The following ZNF584 variants were observed in gnomAD, a reference collection of about 807,000 sequenced individuals.
ZNF584 encodes zinc finger protein 584.
Under a neutral mutation model 14.7 loss-of-function variants are expected in ZNF584, and 12 were observed. That is an observed-to-expected ratio of 0.82 (90% CI 0.52 to 1.32). ZNF584 has a LOEUF of 1.32. Among genes scored for constraint, ZNF584 ranks in the 40% most tolerant of loss-of-function variants. The probability of loss-of-function intolerance (pLI) is 0.00; values close to 1 mark genes in which losing one functional copy is unlikely to be tolerated. For synonymous variants in ZNF584, 204 were observed against 190.9 expected (o/e 1.07, Z -0.57); for missense variants, 478 against 518.8 (o/e 0.92, Z 0.76).
intron 3 of ZNF584, 124 bp from the exon 4 acceptor site, chr19:58,416,687 C>T: frequency 7.9e-7 from 1 of 1,259,958 alleles, no homozygotes; most frequent in Non-Finnish European, 1.0e-6. Context: ...CAGGCGTGAG[C>T]CACCACGCCT....
At chr19:58,403,628 A>T (rs539373748) in intron 1 of ZNF584, among the ~76,000 whole-genome samples, 1 of 152,304 alleles carries the variant, frequency 6.6e-6, no homozygotes, top group African/African-American at 2.4e-5. Flanking sequence ...CATTTGTGAA[A>T]ACCCATATAA....
intron 3 of ZNF584, chr19:58,416,102 C>G (rs2052639124): frequency 2.7e-6 from 2 of 734,874 alleles, no homozygotes; most frequent in South Asian, 3.7e-5. Context: ...CTTGGAGACC[C>G]CACCTCTCTT....
At chr19:58,410,591 A>ATG (rs1414029882) in intron 2 of ZNF584, among the ~76,000 whole-genome samples, 13 of 33,070 alleles carry the variant, frequency 3.9e-4, no homozygotes, top group African/African-American at 3.9e-3. Context: ...ATGTATATAT[A>ATG]TGTATATATA....
At chr19:58,402,227 T>G (rs1599940272) in intron 1 of ZNF584, among the ~76,000 whole-genome samples, 1 of 151,926 alleles carries the variant, frequency 6.6e-6, no homozygotes, top group Non-Finnish European at 1.5e-5. Context: ...CTGGCTCCCC[T>G]GGGGCCCGGC....
At chr19:58,407,565 G>A (rs770226571), upstream of ZNF584, among the ~76,000 whole-genome samples, 3 of 152,254 alleles carry the variant, frequency 2.0e-5, 1 homozygote, top group South Asian at 4.1e-4. Context: ...TCAGTGCCAC[G>A]ACCAACAGCG....
rs1568584494 is a variant in ZNF584 at position 58,410,569 on chromosome 19, A to ATG, written c.169+479_169+480insGT. On this transcript the variant is annotated intron_variant, in intron 2 of 3. Coordinates refer to ENST00000306910, the MANE Select transcript of ZNF584 (RefSeq NM_173548.3). ...TATATATATATATATGTGTATATAT[A>ATG]TATGTATATATATGTATATATATGT... 2.6e-3 allele frequency among the ~76,000 whole-genome samples: 18 copies of ATG among 6,916 alleles called. 1 individual carries two copies. Among genetic ancestry groups the ATG allele is most frequent in the African/African-American group, 9.2e-3 (13 of 1,406 alleles). The allele number at this position is 6,916 out of a possible 152,430, so 4.5% of individuals were successfully genotyped here. A position where few individuals can be genotyped will look rare whatever the true frequency, so the allele number is the denominator to read the frequency against.
At position 58,409,128 on chromosome 19, in the gene ZNF584, G is replaced by T. The variant is rs1425049439; in HGVS notation, c.-20G>T. The stretch of plus-strand genomic sequence containing the variant: ...GCTGAGGCCGTGGGTCCAGTCCACG[G>T]GTTCTGCCCGCACGGTCCAATGGCC... On this transcript the variant is annotated 5_prime_UTR_variant, in exon 1 of 4. Transcript: ENST00000306910. 1.4e-6 allele frequency: 2 copies of T among 1,460,168 alleles called. No individual in the cohort carries two copies. Among genetic ancestry groups the T allele is most frequent in the Non-Finnish European group, 1.8e-6 (2 of 1,097,752 alleles). 90.5% of individuals were successfully genotyped at this position (1,460,168 alleles called of 1,614,324 possible).
rs1568583856 is a variant in ZNF584 at position 58,409,961 on chromosome 19, G to T, written c.39G>T (p.Leu13Phe). The change falls in exon 2 of 4, where the codon TTG becomes TTT. Residue 13 changes from leucine to phenylalanine, a missense_variant. This residue lies in a region of ZNF584 where 189 missense variants were observed against 177.9 expected (regional missense o/e 1.06). Transcript: ENST00000306910. ...GEAEAQLDPS[L>F]QGLVMFEDVT... Reference sequence around the variant, plus strand: ...CCAAGGCTCAGTTGGACCCATCATTGCAGGGCTTGGTGATGTTTGAGGATG... The same window carrying T: ...CCAAGGCTCAGTTGGACCCATCATTTCAGGGCTTGGTGATGTTTGAGGATG... 2 of 1,614,052 alleles carry T rather than the reference G, an allele frequency of 1.2e-6. No homozygotes were observed. Among genetic ancestry groups the T allele is most frequent in the East Asian group, 2.2e-5 (1 of 44,876 alleles).
intron 1 of ZNF584, among the ~76,000 whole-genome samples, chr19:58,402,323 GAGA>G (rs1240262732): frequency 2.6e-5 from 4 of 152,252 alleles, no homozygotes; most frequent in East Asian, 1.9e-4. Context: ...AGGGTGGTGG[GAGA>G]AGAAGTGCCC....
At chr19:58,401,982 T>G (rs1000200275) in intron 1 of ZNF584, among the ~76,000 whole-genome samples, 25 of 143,546 alleles carry the variant, frequency 1.7e-4, no homozygotes, top group Non-Finnish European at 3.1e-4. Flanking sequence ...GGCAGGAGAA[T>G]CGCTTGAAGC....
upstream of ZNF584, chr19:58,405,754 CG>C (rs2052466910): frequency 5.7e-6 from 1 of 176,442 alleles, no homozygotes; most frequent in African/African-American, 2.4e-5. Context: ...GATGGGCGGC[CG>C]GGCAGAGACG....
chr19:58,408,189 C>T (rs959111622), upstream of ZNF584: 2 of 152,268 alleles, frequency 1.3e-5, no homozygotes, highest in African/African-American at 4.8e-5. Flanking sequence ...CTCCGGGCTC[C>T]GTAAAGCGGA....
chr19:58,406,896 A>T (rs755001366), upstream of ZNF584: 1 of 152,440 alleles, frequency 6.6e-6, no homozygotes, highest in Non-Finnish European at 1.5e-5. Flanking sequence ...TCTCCACTGG[A>T]GAGAATACAC....
upstream of ZNF584, among the ~76,000 whole-genome samples, chr19:58,403,838 A>G (rs2052446056): frequency 1.3e-5 from 2 of 151,616 alleles, no homozygotes; most frequent in African/African-American, 2.4e-5. Flanking sequence ...GTGTGGTGGC[A>G]CGCGCTTGTC....
chr19:58,418,072 A>G lies in ZNF584; in HGVS notation c.*288A>G, dbSNP rs2052669844. 4.8e-6 allele frequency: 2 copies of G among 414,632 alleles called. No individual in the cohort carries two copies. Among genetic ancestry groups the G allele is most frequent in the Non-Finnish European group, 8.7e-6 (2 of 229,498 alleles). 25.7% of individuals were successfully genotyped at this position (414,632 alleles called of 1,614,324 possible). Reference sequence around the variant, plus strand: ...CAGCAGACCTTGTGCTCCTTGCTCTAAACAGTAGAGAATCGTTAATAGTGG... The same window carrying G: ...CAGCAGACCTTGTGCTCCTTGCTCTGAACAGTAGAGAATCGTTAATAGTGG... On this transcript the variant is annotated 3_prime_UTR_variant, in exon 4 of 4. Coordinates refer to ENST00000306910, the MANE Select transcript of ZNF584 (RefSeq NM_173548.3).
intron 2 of ZNF584, among the ~76,000 whole-genome samples, chr19:58,410,759 AT>A: frequency 2.5e-5 from 1 of 39,260 alleles, no homozygotes; most frequent in Admixed American, 2.7e-4. Flanking sequence ...ATATATATAT[AT>A]ATGTATATAT....
At chr19:58,411,671 G>A (rs1305304156) in intron 2 of ZNF584, among the ~76,000 whole-genome samples, 1 of 151,786 alleles carries the variant, frequency 6.6e-6, no homozygotes, top group African/African-American at 2.4e-5. Flanking sequence ...TTGAGACGGA[G>A]TCTTGTTCTG....
rs1451506334 is a variant in ZNF584 at position 58,415,642 on chromosome 19, T to G, written c.288T>G (p.Gly96=). ...VSRAEARRGF[G]LDGLCRVEDE... is the part of the protein sequence containing the mutation. Reference sequence around the variant, plus strand: ...GAGCAGAAGCCAGGAGAGGTTTTGGTCTTGGTAAGTGGAGTGGAGGGGAAT... The same window carrying G: ...GAGCAGAAGCCAGGAGAGGTTTTGGGCTTGGTAAGTGGAGTGGAGGGGAAT... Residue 96 remains glycine (G), a synonymous_variant, in exon 3 of 4, where the codon GGT becomes GGG. Coordinates refer to ENST00000306910, the MANE Select transcript of ZNF584 (RefSeq NM_173548.3). 4.3e-6 allele frequency: 7 copies of G among 1,613,718 alleles called. No individual in the cohort carries two copies. The highest frequency in any genetic ancestry group is 1.3e-5 in the African/African-American group (1 of 74,930).
upstream of ZNF584, chr19:58,406,594 A>T (rs2052475806): frequency 1.3e-5 from 2 of 152,238 alleles, no homozygotes; most frequent in Non-Finnish European, 2.9e-5. Flanking sequence ...TAACTCAGGT[A>T]CCAGGTGTGA....
Sources: allele counts gnomAD v4.1 joint callset (sites outside exome capture counted in the v4.1 genomes callset), GRCh38; gene constraint gnomAD v4.1.1; regional missense constraint gnomAD v4.1.1; transcripts MANE v1.5; gene names NCBI Gene and HGNC (gene_info 2026-07-23, HGNC 2026-07-21).